Variants in TCF3 observed in about 807,000 individuals in gnomAD.
The protein encoded by TCF3 is transcription factor 3.
In TCF3, 54 loss-of-function variants were observed where a neutral mutation model predicts 72.3. That is an observed-to-expected ratio of 0.75 (90% CI 0.60 to 0.94). The LOEUF (loss-of-function observed/expected upper bound fraction) is 0.94. Ranked by LOEUF, TCF3 falls within the 40% of genes least tolerant of loss-of-function variation. The pLI is 0.00. For missense variants in TCF3, 1,078 were observed against 934.4 expected (o/e 1.15, Z -2.00); for synonymous variants, 525 against 412.6 (o/e 1.27, Z -3.30).
chr19:1,623,813 G>T, intron 8 of TCF3, 138 bp downstream of exon 8: 1 of 855,260 alleles, frequency 1.2e-6, no homozygotes, highest in South Asian at 1.8e-5. Context: ...TCAGAGCTCA[G>T]ATCTTGGCTC....
intron 5 of TCF3, among the ~76,000 whole-genome samples, chr19:1,631,703 C>T (rs898920424): frequency 1.3e-5 from 2 of 152,238 alleles, no homozygotes; most frequent in Non-Finnish European, 2.9e-5. Flanking sequence ...CCTACGCCTC[C>T]TTCCCAGCGG....
At chr19:1,617,401 G>A (rs372533748) in intron 16 of TCF3, among the ~76,000 whole-genome samples, 6 of 152,358 alleles carry the variant, frequency 3.9e-5, no homozygotes, top group Middle Eastern at 6.8e-3. Context: ...GTGGGACGCC[G>A]TGTTCATGAA....
chr19:1,633,512 T>C (rs1484684276), intron 3 of TCF3, among the ~76,000 whole-genome samples: 1 of 151,886 alleles, frequency 6.6e-6, no homozygotes, highest in East Asian at 1.9e-4. Context: ...TCAAATCGCA[T>C]CCTTCTATTT....
chr19:1,622,094 C>T lies in TCF3; in HGVS notation c.782G>A (p.Ser261Asn), dbSNP rs1190366310. The T allele has an allele frequency of 6.2e-7, 1 of 1,606,502 alleles. No individual in the cohort carries two copies. The highest frequency in any genetic ancestry group is 1.1e-5 in the South Asian group (1 of 90,022). Residue 261 changes from serine to asparagine, a missense_variant, in exon 10 of 19, where the codon AGC becomes AAC. Transcript: ENST00000262965. ...GTGCAGGCCACCAAACGTGCTGCTG[C>T]TTCCACTGCTGCCCACCGGGCCGCT... ...PGSGPVGSSGSSSTFGGLHQH... is the reference protein window; with the variant it reads ...PGSGPVGSSGNSSTFGGLHQH...
Position 1,629,011 on chromosome 19 carries a change from TGAGGCGG to T in TCF3, c.299-1592_299-1586del. Among the ~76,000 whole-genome samples, 2 of 21,098 alleles carry T rather than the reference TGAGGCGG, an allele frequency of 9.5e-5. 1 individual carries two copies. Among genetic ancestry groups the T allele is most frequent in the South Asian group, 2.5e-3 (2 of 812 alleles). The allele number at this position is 21,098 out of a possible 152,430, so 13.8% of individuals were successfully genotyped here. A position where few individuals can be genotyped will look rare whatever the true frequency, so the allele number is the denominator to read the frequency against. On this transcript the variant is annotated intron_variant, in intron 5 of 18. Coordinates refer to ENST00000262965, the MANE Select transcript of TCF3 (RefSeq NM_003200.5). ...AAGGGGACAGCAGAGCTCACGGGGG[TGAGGCGG>T]GAAGGGGACAGCAGAGCTCACGGGG... is the stretch of plus-strand genomic sequence containing the variant.
At chr19:1,631,604 C>G (rs962371812) in intron 5 of TCF3, among the ~76,000 whole-genome samples, 3 of 152,068 alleles carry the variant, frequency 2.0e-5, no homozygotes, top group African/African-American at 4.8e-5. Flanking sequence ...GGAGGGCCCC[C>G]CAGGGAAAGA....
rs1428259750 is a variant in TCF3, at chr19:1,621,014, G to A, written c.1047C>T (p.Phe349=). 6.6e-7 allele frequency: 1 copy of A among 1,522,402 alleles called. No individual in the cohort carries two copies. The highest frequency in any genetic ancestry group is 8.8e-7 in the Non-Finnish European group (1 of 1,134,424). 94.3% of individuals were successfully genotyped at this position (1,522,402 alleles called of 1,614,324 possible). Residue 349 remains phenylalanine (F), a synonymous_variant, in exon 13 of 19, where the codon TTC becomes TTT. Coordinates refer to ENST00000262965, the MANE Select transcript of TCF3 (RefSeq NM_003200.5). ...CCACGGGGGTAGAAGGGCTGGACGA[G>A]AAGTTATTGCTTGAGTGATCCGGGG... is the stretch of plus-strand genomic sequence containing the variant. The part of the protein sequence containing the change: ...IYSPDHSSNN[F]SSSPSTPVGS...
intron 3 of TCF3, among the ~76,000 whole-genome samples, chr19:1,638,934 GAC>G (rs954224948): frequency 3.9e-5 from 6 of 152,324 alleles, no homozygotes; most frequent in Non-Finnish European, 7.3e-5. Context: ...GCCGACCAAA[GAC>G]AGTTTTGAAA....
rs986742936 is a variant in TCF3 at position 1,645,017 on chromosome 19, A to G, written c.145+1338T>C. 3.3e-5 allele frequency among the ~76,000 whole-genome samples: 5 copies of G among 152,060 alleles called. No homozygotes were observed. The South Asian group carries it at 6.2e-4, about 19-fold the overall frequency. On this transcript the variant is annotated intron_variant, in intron 3 of 18. Transcript: ENST00000262965. Reference sequence around the variant, plus strand: ...TGGGGATTTCCACGCCTCAGGGAGCATATTCCGGCCAGCCCTGTGGCCACT... The same window carrying G: ...TGGGGATTTCCACGCCTCAGGGAGCGTATTCCGGCCAGCCCTGTGGCCACT...
chr19:1,617,286 G>T (rs980492229), intron 16 of TCF3, among the ~76,000 whole-genome samples: 21 of 152,296 alleles, frequency 1.4e-4, no homozygotes, highest in Admixed American at 2.6e-4. Context: ...CCCACGCCCG[G>T]GCCAGGGCCA....
At chr19:1,643,672 T>G (rs1475723218) in intron 3 of TCF3, among the ~76,000 whole-genome samples, 3 of 152,226 alleles carry the variant, frequency 2.0e-5, no homozygotes, top group African/African-American at 4.8e-5. Flanking sequence ...TGAGCCACCT[T>G]GCCCAGTACC....
At chr19:1,643,058 G>A (rs1018785640) in intron 3 of TCF3, among the ~76,000 whole-genome samples, 1 of 152,208 alleles carries the variant, frequency 6.6e-6, no homozygotes, top group African/African-American at 2.4e-5. Flanking sequence ...GTCTGTCTTG[G>A]CAGAAGATAG....
intron 2 of TCF3, among the ~76,000 whole-genome samples, chr19:1,648,650 C>T (rs530192928): frequency 2.7e-4 from 41 of 152,362 alleles, no homozygotes; most frequent in Non-Finnish European, 5.0e-4. Context: ...TTGGCCCCTC[C>T]GGCCCTTGGG....
chr19:1,641,762 C>CT (rs542594026), intron 3 of TCF3, among the ~76,000 whole-genome samples: 16 of 151,200 alleles, frequency 1.1e-4, no homozygotes, highest in African/African-American at 2.2e-4. Flanking sequence ...TGAAATTTTT[C>CT]TTTTTTTTTA....
chr19:1,615,885 T>C lies in TCF3; in HGVS notation c.1451-64A>G. ...CAGGGCCAACTGACATATCTCTTTG[T>C]GCTCCTGTGGTGAGGGACTTGGGCT... is the stretch of plus-strand genomic sequence containing the variant. On this transcript the variant is annotated intron_variant, in intron 16 of 18. Transcript: ENST00000262965. This position sits in a 1 kb window ranked among gnomAD's most constrained non-coding sequence, Gnocchi z 7.3. 1.3e-6 allele frequency: 2 copies of C among 1,489,894 alleles called. No homozygotes were observed. The highest frequency in any genetic ancestry group is 1.4e-5 in the South Asian group (1 of 71,248). 92.3% of individuals were successfully genotyped at this position (1,489,894 alleles called of 1,614,324 possible). A position where few individuals can be genotyped will look rare whatever the true frequency, so the allele number is the denominator to read the frequency against.
rs370087169 is a variant in TCF3 at position 1,622,139 on chromosome 19, G to T, written c.737C>A (p.Pro246Gln). Reference sequence around the variant, plus strand: ...GCCGCTACCGGGCGGGAGGGGCAGCGGGGATGAGCCCCCACCCAGCATGGG... The same window carrying T: ...GCCGCTACCGGGCGGGAGGGGCAGCTGGGATGAGCCCCCACCCAGCATGGG... ...FGPMLGGGSSPLPLPPGSGPV... is the reference protein window; with the variant it reads ...FGPMLGGGSSQLPLPPGSGPV... The change falls in exon 10 of 19, where the codon CCG (proline) becomes CAG (glutamine). Residue 246 changes from proline (P) to glutamine (Q), a missense_variant. Coordinates refer to ENST00000262965, the MANE Select transcript of TCF3 (RefSeq NM_003200.5). 4.4e-6 allele frequency: 7 copies of T among 1,588,252 alleles called. No individual in the cohort carries two copies. Among genetic ancestry groups the T allele is most frequent in the Non-Finnish European group, 6.0e-6 (7 of 1,169,710 alleles).
In TCF3 at chr19:1,610,522, C is replaced by G. The variant is rs1395717335; in HGVS notation, c.*1185G>C. On this transcript the variant is annotated 3_prime_UTR_variant, in exon 19 of 19. Transcript: ENST00000262965. The stretch of plus-strand genomic sequence containing the variant: ...GTCCCTGGGGCAAAGGAGTGAAGGA[C>G]AGGGTGTCCAGGAGGTCCCCAGCAC... 1 of 231,352 alleles carries G rather than the reference C, an allele frequency of 4.3e-6. No individual in the cohort carries two copies. The highest frequency in any genetic ancestry group is 5.6e-5 in the Admixed American group (1 of 17,726). The allele number at this position is 231,352 out of a possible 1,614,324, so 14.3% of individuals were successfully genotyped here. A position where few individuals can be genotyped will look rare whatever the true frequency, so the allele number is the denominator to read the frequency against.
intron 1 of TCF3, 41 bp downstream of exon 1, chr19:1,652,259 C>T (rs1172683575): frequency 7.0e-6 from 1 of 143,676 alleles, no homozygotes; most frequent in Middle Eastern, 3.6e-3. Context: ...GCACAAAGCA[C>T]GGGGGTACCG....
rs1455760546 is a variant in TCF3 at position 1,622,046 on chromosome 19, G to C, written c.822+8C>G. ...CGCCCACCCCCTGCCCCCTGCCCTG[G>C]GTCCTACCATACGCTCGTGCTGGTG... On this transcript the variant is annotated splice_region_variant and intron_variant, in intron 10 of 18. Coordinates refer to ENST00000262965, the MANE Select transcript of TCF3 (RefSeq NM_003200.5). 2.5e-6 allele frequency: 4 copies of C among 1,601,540 alleles called. 1 individual carries two copies. The South Asian group carries it at 3.4e-5, about 13-fold the overall frequency.
Sources: gnomAD v4.1 joint callset for allele counts (sites outside exome capture counted in the v4.1 genomes callset) on GRCh38, gnomAD v4.1.1 for gene constraint, Gnocchi (gnomAD v3.1) non-coding constraint, MANE v1.5 for transcripts, NCBI Gene and HGNC (gene_info 2026-07-23, HGNC 2026-07-21) for gene names.